Variants in PZP observed in about 807,000 individuals in gnomAD.
PZP encodes PZP alpha-2-macroglobulin like, also known as pregnancy zone protein.
Under a neutral mutation model 179.8 loss-of-function variants are expected in PZP, and 150 were observed. The observed-to-expected ratio is 0.83, with a 90% CI of 0.73 to 0.96. The LOEUF (loss-of-function observed/expected upper bound fraction) is 0.96. Ranked by LOEUF, PZP falls within the 40% of genes least tolerant of loss-of-function variation. PZP has a pLI of 0.00. For missense variants in PZP, 1,689 were observed against 1,764.0 expected, an observed-to-expected ratio of 0.96 and a Z score of 0.76; for synonymous variants, 624 against 652.3, an observed-to-expected ratio of 0.96 and a Z score of 0.66.
chr12:9,142,874 G>A, the PZP span, among the ~76,000 whole-genome samples: 1 of 152,156 alleles, frequency 6.6e-6, no homozygotes, highest in Admixed American at 6.5e-5. Context: ...AATGGGATTT[G>A]TGGCAACTTT....
At chr12:9,167,344 C>A (rs1348646292) in intron 17 of PZP, 1 of 152,240 alleles carries the variant, frequency 6.6e-6, no homozygotes, top group Non-Finnish European at 1.5e-5. Context: ...GTCAACTTGA[C>A]TTTCCACGTG....
Position 9,166,215 on chromosome 12 carries a change from A to G in PZP, c.2108-13T>C, listed in dbSNP as rs745884920. 4 of 1,607,318 alleles carry G rather than the reference A, an allele frequency of 2.5e-6. No individual in the cohort carries two copies. The East Asian group carries it at 8.9e-5, about 36-fold the overall frequency. On this transcript the variant is annotated splice_polypyrimidine_tract_variant and intron_variant, in intron 17 of 35. Coordinates refer to ENST00000261336, the MANE Select transcript of PZP (RefSeq NM_002864.3). ...ACTCCTAGACCTGCTAAAGTAAGAG[A>G]AAATTGTCTAGTTAGGGAAAAACAT... is the stretch of plus-strand genomic sequence containing the variant.
At chr12:9,144,258 C>A (rs971703159), downstream of PZP, among the ~76,000 whole-genome samples, 1 of 152,132 alleles carries the variant, frequency 6.6e-6, no homozygotes, top group African/African-American at 2.4e-5. Flanking sequence ...GAGCAAAATA[C>A]CCACTGTGGG....
In PZP at chr12:9,164,876, T is replaced by A. The variant is rs759388486; in HGVS notation, c.2487+263A>T. 3.3e-5 allele frequency among the ~76,000 whole-genome samples: 5 copies of A among 152,328 alleles called. No individual in the cohort carries two copies. The South Asian group carries it at 1.0e-3, about 32-fold the overall frequency. On this transcript the variant is annotated intron_variant, in intron 19 of 35. Transcript: ENST00000261336. ...TCAAGAATGTTCCTGGCATATAACCTAACTTGCAGCAAAGAATTCTGCAAG... is the reference window on the plus strand; with the variant it reads ...TCAAGAATGTTCCTGGCATATAACCAAACTTGCAGCAAAGAATTCTGCAAG...
intron 1 of PZP, among the ~76,000 whole-genome samples, chr12:9,207,866 T>A (rs1459163304): frequency 6.6e-6 from 1 of 152,200 alleles, no homozygotes; most frequent in Non-Finnish European, 1.5e-5. Context: ...ACTTGATACA[T>A]GATTGAAAAA....
intron 2 of PZP, 46 bp from the exon 3 acceptor site, chr12:9,202,730 C>A (rs769592976): frequency 6.4e-7 from 1 of 1,557,166 alleles, no homozygotes; most frequent in South Asian, 1.2e-5. Context: ...GTGCAGTCTT[C>A]TCCCTCTGCA....
intron 13 of PZP, among the ~76,000 whole-genome samples, chr12:9,191,138 A>G (rs1484585254): frequency 6.6e-6 from 1 of 152,140 alleles, no homozygotes; most frequent in Non-Finnish European, 1.5e-5. Context: ...TCATTTTACT[A>G]TATAGAGATT....
chr12:9,182,663 A>T (rs920991107), intron 13 of PZP, among the ~76,000 whole-genome samples: 2 of 152,216 alleles, frequency 1.3e-5, no homozygotes, highest in African/African-American at 2.4e-5. Context: ...GAAGCATTAA[A>T]TGGTACCAGA....
rs1166922835 is a variant in PZP at position 9,170,351 on chromosome 12, G to A, written c.1840-760C>T. On this transcript the variant is annotated intron_variant, in intron 15 of 35. Transcript: ENST00000261336. This position sits in a 1 kb window ranked among gnomAD's most constrained non-coding sequence, Gnocchi z 4.6. ...GGTCTGATACACAAAGCTATGTGGA[G>A]TCTTGGCAGAGCAGCTGCTCAGGCA... Among the ~76,000 whole-genome samples the A allele has an allele frequency of 6.6e-6, 1 of 152,162 alleles. No homozygotes were observed. The highest frequency in any genetic ancestry group is 1.5e-5 in the Non-Finnish European group (1 of 68,036).
chr12:9,155,615 A>G (rs1158694147), intron 28 of PZP, among the ~76,000 whole-genome samples: 1 of 152,166 alleles, frequency 6.6e-6, no homozygotes. Flanking sequence ...TTTCTCCAAG[A>G]ACACTACAAG....
intron 22 of PZP, 86 bp from the exon 23 acceptor site, chr12:9,161,202 G>A (rs1289479393): frequency 7.0e-6 from 8 of 1,146,414 alleles, no homozygotes; most frequent in Non-Finnish European, 9.9e-6. Context: ...GAGCTTCAGA[G>A]CCACACTCCC....
At chr12:9,200,592 G>A (rs762363738) in intron 6 of PZP, 144 bp from the exon 7 acceptor site, 231 of 713,698 alleles carry the variant, frequency 3.2e-4, no homozygotes, top group Non-Finnish European at 4.6e-4. Flanking sequence ...AAGATGGTAA[G>A]GTTTAACAAT....
intron 25 of PZP, among the ~76,000 whole-genome samples, chr12:9,158,910 T>A (rs946414841): frequency 6.6e-6 from 1 of 152,164 alleles, no homozygotes; most frequent in Non-Finnish European, 1.5e-5. Context: ...CTGTGGGCTC[T>A]ATGAATTTAT....
At position 9,164,159 on chromosome 12, in the gene PZP, G is replaced by T; in HGVS notation, c.2588C>A (p.Ser863Tyr). ...CICGNERQTLSWTVTPKTLGN... is the reference protein window; with the variant it reads ...CICGNERQTLYWTVTPKTLGN... Reference sequence around the variant, plus strand: ...CAGAGTTTTAGGAGTCACTGTCCAAGACAAGGTTTGTCTCTCATTTCCACA... The same window carrying T: ...CAGAGTTTTAGGAGTCACTGTCCAATACAAGGTTTGTCTCTCATTTCCACA... Residue 863 changes from serine (S) to tyrosine (Y), a missense_variant, in exon 20 of 36, where the codon TCT becomes TAT. Around this residue, in one of 3 missense-constraint regions of PZP, gnomAD observed 746 missense variants for 749.2 expected, o/e 1.00. Coordinates refer to ENST00000261336, the MANE Select transcript of PZP (RefSeq NM_002864.3). The T allele has an allele frequency of 6.2e-7, 1 of 1,611,716 alleles. No homozygotes were observed. Among genetic ancestry groups the T allele is most frequent in the South Asian group, 1.1e-5 (1 of 90,996 alleles).
At chr12:9,183,136 T>C (rs1942880310) in intron 13 of PZP, among the ~76,000 whole-genome samples, 1 of 152,212 alleles carries the variant, frequency 6.6e-6, no homozygotes, top group African/African-American at 2.4e-5. Context: ...GTATTAAAAA[T>C]TAAGTCTAAT....
intron 13 of PZP, 145 bp downstream of exon 13, chr12:9,192,048 A>G: frequency 1.5e-6 from 1 of 656,106 alleles, no homozygotes; most frequent in South Asian, 2.0e-5. Flanking sequence ...TTAAAATGCC[A>G]AAGAGTCATA....
At chr12:9,205,370 T>C (rs745977945) in intron 1 of PZP, among the ~76,000 whole-genome samples, 1 of 152,288 alleles carries the variant, frequency 6.6e-6, no homozygotes, top group African/African-American at 2.4e-5. Context: ...TGTGTTTTTG[T>C]TGTTGCTGTT....
chr12:9,203,489 C>A (rs1944290737), intron 2 of PZP, among the ~76,000 whole-genome samples: 2 of 151,990 alleles, frequency 1.3e-5, no homozygotes, highest in Admixed American at 6.5e-5. Flanking sequence ...CTACGGGCGC[C>A]TGCCACTACG....
intron 31 of PZP, 82 bp from the exon 32 acceptor site, chr12:9,152,392 C>T (rs955292861): frequency 9.9e-7 from 1 of 1,011,028 alleles, no homozygotes; most frequent in African/African-American, 1.6e-5. Flanking sequence ...CACTTTAAGC[C>T]TGTCTGTCTT....
Sources: allele counts gnomAD v4.1 joint callset (sites outside exome capture counted in the v4.1 genomes callset), GRCh38; gene constraint gnomAD v4.1.1; regional missense constraint gnomAD v4.1.1; non-coding constraint Gnocchi (gnomAD v3.1); transcripts MANE v1.5; gene names NCBI Gene and HGNC (gene_info 2026-07-23, HGNC 2026-07-21).